The following CRYBG3 variants were observed in gnomAD, a reference collection of about 807,000 sequenced individuals.
The protein encoded by CRYBG3 is crystallin beta-gamma domain containing 3, also known as very large A-kinase anchor protein.
CRYBG3 carries 127 observed loss-of-function variants against 244.2 expected under a neutral mutation model. That is an observed-to-expected ratio of 0.52 (90% CI 0.45 to 0.60). CRYBG3 has a LOEUF of 0.60. Ranked by LOEUF, CRYBG3 falls within the 20% of genes least tolerant of loss-of-function variation. The pLI, the probability that CRYBG3 is intolerant of heterozygous loss-of-function variation, is 0.00. For missense variants in CRYBG3, 3,325 were observed against 3,442.5 expected (o/e 0.97, Z 0.85); for synonymous variants, 1,132 against 1,195.8 (o/e 0.95, Z 1.10).
intron 17 of CRYBG3, among the ~76,000 whole-genome samples, chr3:97,923,591 A>C (rs986100805): frequency 1.3e-5 from 2 of 151,906 alleles, no homozygotes; most frequent in Middle Eastern, 3.4e-3. Context: ...AATCTAAAAA[A>C]TAAAATAAGA....
intron 17 of CRYBG3, among the ~76,000 whole-genome samples, chr3:97,920,637 C>A (rs2039973595): frequency 6.6e-6 from 1 of 152,094 alleles, no homozygotes; most frequent in Non-Finnish European, 1.5e-5. Context: ...TCAAGGAATT[C>A]TCATGCCTCA....
In CRYBG3 at chr3:97,889,385, T is replaced by C; in HGVS notation, c.7435T>C (p.Leu2479=). 1 of 1,609,202 alleles carries C rather than the reference T, an allele frequency of 6.2e-7. No individual in the cohort carries two copies. The highest frequency in any genetic ancestry group is 8.5e-7 in the Non-Finnish European group (1 of 1,175,716). ...GGLKVEMPMN[L]KVIIYEKPHF... Reference sequence around the variant, plus strand: ...ACTGAAAGTGGAAATGCCCATGAACTTAAAGGTAAGTCTTGGACTGATTTT... The same window carrying C: ...ACTGAAAGTGGAAATGCCCATGAACCTAAAGGTAAGTCTTGGACTGATTTT... The change falls in exon 10 of 22, where the codon TTA becomes CTA. Residue 2479 remains leucine (L), a synonymous_variant. Coordinates refer to ENST00000389622, the MANE Select transcript of CRYBG3 (RefSeq NM_153605.4).
At chr3:97,925,430 G>A (rs1481179179) in intron 17 of CRYBG3, among the ~76,000 whole-genome samples, 1 of 151,974 alleles carries the variant, frequency 6.6e-6, no homozygotes, top group Admixed American at 6.6e-5. Flanking sequence ...ATGGTGGGGG[G>A]AATAAGAATG....
intron 7 of CRYBG3, among the ~76,000 whole-genome samples, chr3:97,881,854 A>C (rs1277080618): frequency 6.6e-6 from 1 of 152,122 alleles, no homozygotes; most frequent in African/African-American, 2.4e-5. Context: ...CTATACTATA[A>C]TAGTATACTA....
intron 1 of CRYBG3, among the ~76,000 whole-genome samples, chr3:97,828,373 T>C (rs2038606005): frequency 6.6e-6 from 1 of 152,100 alleles, no homozygotes; most frequent in Non-Finnish European, 1.5e-5. Context: ...ATTGTTTTAA[T>C]AGCAAAAGAT....
chr3:97,822,441 C>T (rs1432232495), intron 1 of CRYBG3, 86 bp downstream of exon 1: 13 of 1,274,118 alleles, frequency 1.0e-5, no homozygotes, highest in Non-Finnish European at 1.2e-5. Flanking sequence ...CAGCGGGCCG[C>T]TCTTGGGCCA....
In CRYBG3 at chr3:97,877,006, AGT is replaced by A; in HGVS notation, c.5813_5814del (p.Ser1938LysfsTer4). The part of the protein sequence containing the change: ...YFRGYESPTL[S>X]KDYEGYPAPA... ...CAGGGGATATGAATCCCCTACATTA[AGT>A]AAGGATTATGAGGGCTACCCAGCCC... is the stretch of plus-strand genomic sequence containing the variant. On this transcript the variant is annotated frameshift_variant, in exon 4 of 22. Coordinates refer to ENST00000389622, the MANE Select transcript of CRYBG3 (RefSeq NM_153605.4). LOFTEE classifies it high-confidence loss of function. 6.5e-7 allele frequency: 1 copy of A among 1,533,210 alleles called. No individual in the cohort carries two copies. Among genetic ancestry groups the A allele is most frequent in the Non-Finnish European group, 8.7e-7 (1 of 1,143,610 alleles). The allele number at this position is 1,533,210 out of a possible 1,614,324, so 95.0% of individuals were successfully genotyped here.
intron 2 of CRYBG3, among the ~76,000 whole-genome samples, chr3:97,852,276 G>A (rs778749771): frequency 6.6e-6 from 1 of 152,220 alleles, no homozygotes; most frequent in Non-Finnish European, 1.5e-5. Context: ...TATTCAGAGA[G>A]TAAGAAGGGA....
chr3:97,842,674 G>T (rs999970945), intron 1 of CRYBG3, among the ~76,000 whole-genome samples: 1 of 152,122 alleles, frequency 6.6e-6, no homozygotes, highest in African/African-American at 2.4e-5. Flanking sequence ...TGGGAAATCA[G>T]ATTTTAAGGT....
At position 97,876,101 on chromosome 3, in the gene CRYBG3, T is replaced by A. The variant is rs563227058; in HGVS notation, c.4907T>A (p.Val1636Glu). 2,315 of 1,231,892 alleles carry A rather than the reference T, an allele frequency of 1.9e-3. 5 individuals are homozygous for A. Among genetic ancestry groups the A allele is most frequent in the Middle Eastern group, 6.5e-3 (21 of 3,208 alleles). The allele number at this position is 1,231,892 out of a possible 1,614,324, so 76.3% of individuals were successfully genotyped here. The change falls in exon 4 of 22, where the codon GTG (valine) becomes GAG (glutamate). Residue 1636 changes from valine to glutamate, a missense_variant. Val to Glu is a moderately radical substitution (Grantham distance 121). Coordinates refer to ENST00000389622, the MANE Select transcript of CRYBG3 (RefSeq NM_153605.4). Reference protein sequence around the residue: ...DTEGDIGKIEVIPMMPEVKNI... With the variant: ...DTEGDIGKIEEIPMMPEVKNI... ...GAAGGGGATATTGGCAAAATTGAGG[T>A]GATACCTATGATGCCAGAAGTGAAA...
rs929818081 is a variant in CRYBG3 at position 97,873,480 on chromosome 3, C to T, written c.2286C>T (p.Ser762=). 4 of 1,535,778 alleles carry T rather than the reference C, an allele frequency of 2.6e-6. No homozygotes were observed. The African/African-American group carries it at 5.5e-5, about 21-fold the overall frequency. ...ACTTAACTGGGTTGGAGCTATTGAG[C>T]TTTGACTCTGGAAACCTCTCTAAGG... ...GPHLTGLELL[S]FDSGNLSKDC... The change falls in exon 4 of 22, where the codon AGC becomes AGT. Residue 762 remains serine, a synonymous_variant. Transcript: ENST00000389622.
At position 97,873,633 on chromosome 3, in the gene CRYBG3, A is replaced by G; in HGVS notation, c.2439A>G (p.Val813=). 1 of 1,534,694 alleles carries G rather than the reference A, an allele frequency of 6.5e-7. No individual in the cohort carries two copies. The highest frequency in any genetic ancestry group is 8.7e-7 in the Non-Finnish European group (1 of 1,146,372). Residue 813 remains valine, a synonymous_variant, in exon 4 of 22, where the codon GTA becomes GTG. Transcript: ENST00000389622. ...LSLEAKTANI[V]SKAEIDGQNN... is the part of the protein sequence containing the mutation. The stretch of plus-strand genomic sequence containing the variant: ...TGGAAGCCAAAACTGCTAACATTGT[A>G]TCAAAAGCTGAAATTGATGGTCAGA...
chr3:97,888,325 A>G lies in CRYBG3; in HGVS notation c.7290-16A>G. 6.9e-7 allele frequency: 1 copy of G among 1,452,322 alleles called. No homozygotes were observed. Among genetic ancestry groups the G allele is most frequent in the African/African-American group, 1.4e-5 (1 of 71,308 alleles). 90.0% of individuals were successfully genotyped at this position (1,452,322 alleles called of 1,614,324 possible). A position where few individuals can be genotyped will look rare whatever the true frequency, so the allele number is the denominator to read the frequency against. Reference sequence around the variant, plus strand: ...CAGTACTATTATACTTTAACTAACTATCTATTTTTATATAGTTGGCTTGCC... The same window carrying G: ...CAGTACTATTATACTTTAACTAACTGTCTATTTTTATATAGTTGGCTTGCC... On this transcript the variant is annotated splice_polypyrimidine_tract_variant and intron_variant, in intron 8 of 21. Transcript: ENST00000389622.
intron 17 of CRYBG3, among the ~76,000 whole-genome samples, chr3:97,919,754 G>A (rs986687753): frequency 8.6e-5 from 13 of 150,972 alleles, no homozygotes; most frequent in East Asian, 5.8e-4. Flanking sequence ...TGCTTGGGGC[G>A]TTGGTGTAGA....
At chr3:97,893,341 A>T (rs2039603437) in intron 11 of CRYBG3, among the ~76,000 whole-genome samples, 1 of 152,214 alleles carries the variant, frequency 6.6e-6, no homozygotes, top group African/African-American at 2.4e-5. Flanking sequence ...ATCATACTTG[A>T]CTTATGTACC....
chr3:97,876,948 G>C lies in CRYBG3; in HGVS notation c.5754G>C (p.Leu1918Phe). 6.7e-7 allele frequency: 1 copy of C among 1,498,114 alleles called. No individual in the cohort carries two copies. The highest frequency in any genetic ancestry group is 1.4e-5 in the South Asian group (1 of 69,506). 92.8% of individuals were successfully genotyped at this position (1,498,114 alleles called of 1,614,324 possible). Residue 1918 changes from leucine (L) to phenylalanine (F), a missense_variant, in exon 4 of 22, where the codon TTG becomes TTC. By Grantham distance (22) the Leu-to-Phe change is conservative. Around this residue, in one of 4 missense-constraint regions of CRYBG3, gnomAD observed 635 missense variants for 771.7 expected, o/e 0.82. Coordinates refer to ENST00000389622, the MANE Select transcript of CRYBG3 (RefSeq NM_153605.4). ...KEEPTEIKEG[L>F]IAHENRLPTY... ...AGCCTACAGAAATAAAGGAAGGCTT[G>C]ATAGCACATGAAAATAGACTTCCTA...
intron 20 of CRYBG3, chr3:97,941,954 A>C (rs918201788): frequency 5.7e-6 from 1 of 174,936 alleles, no homozygotes; most frequent in Non-Finnish European, 1.2e-5. Context: ...AAGAAAACCA[A>C]GCTCAACATA....
At chr3:97,926,978 A>G (rs1173559304) in intron 17 of CRYBG3, among the ~76,000 whole-genome samples, 1 of 152,104 alleles carries the variant, frequency 6.6e-6, no homozygotes, top group Non-Finnish European at 1.5e-5. Context: ...TGTCATTAAA[A>G]TGGCCATACT....
chr3:97,875,934 G>C lies in CRYBG3; in HGVS notation c.4740G>C (p.Leu1580Phe). Residue 1580 changes from leucine to phenylalanine, a missense_variant, in exon 4 of 22, where the codon TTG becomes TTC. Around this residue, in one of 4 missense-constraint regions of CRYBG3, gnomAD observed 635 missense variants for 771.7 expected, o/e 0.82. Transcript: ENST00000389622. ...GAATACATAAAATGGATGCTGAATTGAATGTCACGAAAACTGAGCCAAAAG... is the reference window on the plus strand; with the variant it reads ...GAATACATAAAATGGATGCTGAATTCAATGTCACGAAAACTGAGCCAAAAG... ...MGRIHKMDAE[L>F]NVTKTEPKAN... The C allele has an allele frequency of 2.4e-6, 3 of 1,232,082 alleles. No homozygotes were observed. Among genetic ancestry groups the C allele is most frequent in the Non-Finnish European group, 2.0e-6 (2 of 987,936 alleles). 76.3% of individuals were successfully genotyped at this position (1,232,082 alleles called of 1,614,324 possible).
Sources: allele counts gnomAD v4.1 joint callset (sites outside exome capture counted in the v4.1 genomes callset), GRCh38; gene constraint gnomAD v4.1.1; regional missense constraint gnomAD v4.1.1; transcripts MANE v1.5; gene names NCBI Gene and HGNC (gene_info 2026-07-23, HGNC 2026-07-21).